SNX4: variants seen among roughly 807,000 people sequenced by gnomAD.
SNX4 encodes sorting nexin-4.
A neutral mutation model predicts 70.8 loss-of-function variants in SNX4; 49 were observed. The observed-to-expected ratio is 0.69, with a 90% CI of 0.55 to 0.88. The LOEUF is 0.88. Among genes scored for constraint, SNX4 ranks in the 40% least tolerant of loss-of-function variants. The pLI, the probability that SNX4 is intolerant of heterozygous loss-of-function variation, is 0.00. For synonymous variants in SNX4, 206 were observed against 183.8 expected, an observed-to-expected ratio of 1.12 and a Z score of -0.98; for missense variants, 528 against 544.8, an observed-to-expected ratio of 0.97 and a Z score of 0.31.
At chr3:125,506,593 CCT>C (rs1402461452) in intron 1 of SNX4, among the ~76,000 whole-genome samples, 1 of 150,518 alleles carries the variant, frequency 6.6e-6, no homozygotes, top group African/African-American at 2.4e-5. Flanking sequence ...GTAACCTCCA[CCT>C]CTTGGGTTCA....
intron 1 of SNX4, among the ~76,000 whole-genome samples, chr3:125,514,388 A>AC (rs1328927405): frequency 3.9e-5 from 5 of 129,342 alleles, no homozygotes; most frequent in Admixed American, 8.6e-5. Context: ...TGTGACCAAC[A>AC]CTTTTTTTTT....
intron 1 of SNX4, among the ~76,000 whole-genome samples, chr3:125,513,473 AGTT>A (rs1935212330): frequency 6.6e-6 from 1 of 152,224 alleles, no homozygotes; most frequent in Non-Finnish European, 1.5e-5. Context: ...GAGTTTTTAA[AGTT>A]GTTTGGCATA....
At position 125,497,405 on chromosome 3, in the gene SNX4, AT is replaced by A; in HGVS notation, c.550-18del. The A allele has an allele frequency of 6.5e-7, 1 of 1,527,392 alleles. No individual in the cohort carries two copies. Among genetic ancestry groups the A allele is most frequent in the Non-Finnish European group, 9.1e-7 (1 of 1,102,074 alleles). 94.6% of individuals were successfully genotyped at this position (1,527,392 alleles called of 1,614,324 possible). A position where few individuals can be genotyped will look rare whatever the true frequency, so the allele number is the denominator to read the frequency against. On this transcript the variant is annotated intron_variant, in intron 4 of 13. Transcript: ENST00000251775. ...GTTACCTTCCTAAAAATTGAAGTTA[AT>A]TTTAGAAATCATTATTGCAAAGCAA...
chr3:125,471,208 G>A, intron 8 of SNX4, among the ~76,000 whole-genome samples: 1 of 151,700 alleles, frequency 6.6e-6, no homozygotes, highest in Non-Finnish European at 1.5e-5. Flanking sequence ...GCCAGGCATG[G>A]TGGCACATGC....
intron 11 of SNX4, among the ~76,000 whole-genome samples, chr3:125,455,476 A>T (rs1933687515): frequency 6.6e-6 from 1 of 152,220 alleles, no homozygotes; most frequent in Admixed American, 6.5e-5. Context: ...GGCAACCCCA[A>T]GCTTCACTGC....
chr3:125,468,074 T>G (rs926845007), intron 9 of SNX4, among the ~76,000 whole-genome samples: 3 of 152,194 alleles, frequency 2.0e-5, no homozygotes, highest in Non-Finnish European at 2.9e-5. Context: ...AGAGAATAGA[T>G]GCAGCAATAA....
At chr3:125,460,972 T>C in intron 9 of SNX4, 112 bp from the exon 10 acceptor site, 1 of 420,828 alleles carries the variant, frequency 2.4e-6, no homozygotes. Flanking sequence ...ACACCTGTAA[T>C]CCCAGCACTT....
At position 125,460,794 on chromosome 3, in the gene SNX4, A is replaced by T; in HGVS notation, c.921T>A (p.Tyr307Ter). ...EEHYADQLKE[Y>*]LFYAEALRAV... ...ACCGCAATGCTTCTGCATAAAAAAG[A>T]TACTCTTTTAACTGATCTGCATAAT... The change falls in exon 10 of 14, where the codon TAT (tyrosine) becomes TAA (stop). Residue 307 changes from tyrosine to a stop codon, truncating the protein, a stop_gained. Transcript: ENST00000251775. LOFTEE classifies it high-confidence loss of function. 2 of 1,558,858 alleles carry T rather than the reference A, an allele frequency of 1.3e-6. No homozygotes were observed. Among genetic ancestry groups the T allele is most frequent in the Non-Finnish European group, 1.7e-6 (2 of 1,150,386 alleles).
intron 7 of SNX4, 140 bp from the exon 8 acceptor site, chr3:125,476,896 C>A (rs1302754399): frequency 3.6e-6 from 2 of 557,332 alleles, no homozygotes; most frequent in Non-Finnish European, 6.4e-6. Flanking sequence ...TCCAAAAATC[C>A]CATCCCCCTA....
intron 10 of SNX4, among the ~76,000 whole-genome samples, chr3:125,458,624 G>A (rs1933787603): frequency 6.6e-6 from 1 of 150,794 alleles, no homozygotes. Flanking sequence ...AGACCATCCT[G>A]GCTAACACGG....
At chr3:125,514,924 A>G (rs1935242418) in intron 1 of SNX4, among the ~76,000 whole-genome samples, 5 of 152,162 alleles carry the variant, frequency 3.3e-5, no homozygotes, top group Admixed American at 2.0e-4. Context: ...TCAGCCTCCT[A>G]AAGTCCTGAG....
At chr3:125,454,310 C>G (rs1230546142) in intron 11 of SNX4, among the ~76,000 whole-genome samples, 1 of 152,212 alleles carries the variant, frequency 6.6e-6, no homozygotes, top group Admixed American at 6.5e-5. Flanking sequence ...TGCCTCCTGT[C>G]AGATCAGCAG....
At chr3:125,479,933 T>C (rs1479903033) in intron 7 of SNX4, among the ~76,000 whole-genome samples, 1 of 151,896 alleles carries the variant, frequency 6.6e-6, no homozygotes, top group Non-Finnish European at 1.5e-5. Flanking sequence ...AAAAAAAACA[T>C]GAAAGAATAT....
Position 125,498,153 on chromosome 3 carries a change from G to A in SNX4, c.305C>T (p.Ser102Leu), listed in dbSNP as rs1934843050. ...HTDGQSVLTDSLWRRYSEFEL... is the reference protein window; with the variant it reads ...HTDGQSVLTDLLWRRYSEFEL... ...AAATTCACTATATCGCCGCCATAGT[G>A]AGTCTGTTAGGACACTCTGACCATC... Residue 102 changes from serine to leucine, a missense_variant, in exon 3 of 14, where the codon TCA becomes TTA. Around this residue, in one of 3 missense-constraint regions of SNX4, gnomAD observed 341 missense variants for 312.2 expected, o/e 1.09. Transcript: ENST00000251775. The A allele has an allele frequency of 8.1e-6, 13 of 1,614,088 alleles. No homozygotes were observed. The highest frequency in any genetic ancestry group is 1.1e-5 in the Non-Finnish European group (13 of 1,179,972).
At chr3:125,493,367 A>G (rs1464951368) in intron 5 of SNX4, among the ~76,000 whole-genome samples, 1 of 152,062 alleles carries the variant, frequency 6.6e-6, no homozygotes, top group Non-Finnish European at 1.5e-5. Flanking sequence ...AAGAAACTAA[A>G]CTTTGGCCAG....
intron 7 of SNX4, among the ~76,000 whole-genome samples, chr3:125,477,486 A>C (rs1013128836): frequency 2.6e-5 from 4 of 152,204 alleles, no homozygotes; most frequent in Non-Finnish European, 5.9e-5. Flanking sequence ...AGCATTATGA[A>C]AACAAACTGG....
chr3:125,500,628 C>T (rs910290836), intron 2 of SNX4, among the ~76,000 whole-genome samples: 54 of 151,634 alleles, frequency 3.6e-4, no homozygotes, highest in African/African-American at 1.3e-3. Flanking sequence ...AGTGAAACCC[C>T]GTTTCTACTA....
At chr3:125,508,296 G>A (rs966311229) in intron 1 of SNX4, among the ~76,000 whole-genome samples, 8 of 152,120 alleles carry the variant, frequency 5.3e-5, no homozygotes, top group Non-Finnish European at 7.4e-5. Context: ...GGCCAGGTGC[G>A]GTGGCTCACG....
At chr3:125,516,228 A>G (rs1043305319) in intron 1 of SNX4, among the ~76,000 whole-genome samples, 1 of 152,184 alleles carries the variant, frequency 6.6e-6, no homozygotes, top group Non-Finnish European at 1.5e-5. Context: ...CCTGTCTGTT[A>G]ACTGCCAACT....
Sources: allele counts gnomAD v4.1 joint callset (sites outside exome capture counted in the v4.1 genomes callset), GRCh38; gene constraint gnomAD v4.1.1; regional missense constraint gnomAD v4.1.1; transcripts MANE v1.5; gene names NCBI Gene and HGNC (gene_info 2026-07-23, HGNC 2026-07-21).